PARP8: variants seen among roughly 807,000 people sequenced by gnomAD.
PARP8 encodes protein mono-ADP-ribosyltransferase PARP8.
In PARP8, 51 loss-of-function variants were observed where a neutral mutation model predicts 124.1. The ratio of observed to expected loss-of-function variants is 0.41; its 90% confidence interval spans 0.33 to 0.52. The LOEUF (loss-of-function observed/expected upper bound fraction) is 0.52, where lower values mean the gene tolerates loss of function less well. Ranked by LOEUF, PARP8 falls within the 20% of genes least tolerant of loss-of-function variation. PARP8 has a pLI of 0.21. For synonymous variants in PARP8, 391 were observed against 361.5 expected (o/e 1.08, Z -0.93); for missense variants, 860 against 1,018.9 (o/e 0.84, Z 2.12).
chr5:50,667,511 G>A (rs1366735778), intron 1 of PARP8: 6 of 700,064 alleles, frequency 8.6e-6, no homozygotes, highest in Non-Finnish European at 1.3e-5. Context: ...CGCTTCCTGG[G>A]TTCCAGCAGC....
intron 23 of PARP8, 132 bp downstream of exon 23, chr5:50,832,986 C>G: frequency 1.4e-6 from 1 of 731,138 alleles, no homozygotes; most frequent in South Asian, 1.8e-5. Flanking sequence ...AGGAATAAAA[C>G]TCACTCTGAA....
At chr5:50,723,076 C>T (rs535610641) in intron 2 of PARP8, among the ~76,000 whole-genome samples, 3 of 152,004 alleles carry the variant, frequency 2.0e-5, no homozygotes, top group African/African-American at 7.2e-5. Flanking sequence ...AATATATTCT[C>T]GCCTCTTACA....
chr5:50,825,049 A>C lies in PARP8; in HGVS notation c.1928+74A>C, dbSNP rs540088971. On this transcript the variant is annotated intron_variant, in intron 18 of 25. Transcript: ENST00000281631. ...TGCTTGATTTAAGGAAAAAAACCAA[A>C]CAAACAAAAGTAAACCTGTCTTACA... 70 of 1,282,718 alleles carry C rather than the reference A, an allele frequency of 5.5e-5. No individual in the cohort carries two copies. The South Asian group carries it at 8.0e-4, about 15-fold the overall frequency. 79.5% of individuals were successfully genotyped at this position (1,282,718 alleles called of 1,614,324 possible).
intron 2 of PARP8, among the ~76,000 whole-genome samples, chr5:50,706,069 T>G (rs1183427446): frequency 6.6e-6 from 1 of 152,162 alleles, no homozygotes; most frequent in Non-Finnish European, 1.5e-5. Context: ...CTTTCTAAAT[T>G]GGTTCTATCA....
At chr5:50,683,695 T>A (rs1432005878) in intron 2 of PARP8, among the ~76,000 whole-genome samples, 1 of 152,180 alleles carries the variant, frequency 6.6e-6, no homozygotes, top group Non-Finnish European at 1.5e-5. Context: ...TCAACACACT[T>A]TTGTTTTTTT....
chr5:50,789,407 C>A (rs1381461387), intron 10 of PARP8, among the ~76,000 whole-genome samples: 1 of 152,072 alleles, frequency 6.6e-6, no homozygotes, highest in African/African-American at 2.4e-5. Context: ...TGATCTAAGG[C>A]ACAGAACTTT....
At chr5:50,760,143 TCAA>T (rs763939914) in intron 4 of PARP8, 146 bp from the exon 5 acceptor site, 492 of 766,944 alleles carry the variant, frequency 6.4e-4, no homozygotes, top group Non-Finnish European at 8.9e-4. Flanking sequence ...GTGTAACTCC[TCAA>T]CATGACATGA....
intron 2 of PARP8, among the ~76,000 whole-genome samples, chr5:50,714,788 C>T (rs115336703): frequency 0.018 from 2,813 of 152,170 alleles, 33 homozygotes; most frequent in Middle Eastern, 0.031. Context: ...AGCCTCCCTC[C>T]TGCAGCTGAC....
chr5:50,824,980 A>G lies in PARP8; in HGVS notation c.1928+5A>G, dbSNP rs1263266846. 6.2e-7 allele frequency: 1 copy of G among 1,606,104 alleles called. No individual in the cohort carries two copies. Among genetic ancestry groups the G allele is most frequent in the East Asian group, 2.2e-5 (1 of 44,826 alleles). ...TGCTCATCCCTTACTGCAATGGTATAAAATTCTAGTTTTCCTCTTAATGAA... is the reference window on the plus strand; with the variant it reads ...TGCTCATCCCTTACTGCAATGGTATGAAATTCTAGTTTTCCTCTTAATGAA... On this transcript the variant is annotated splice_donor_5th_base_variant and intron_variant, in intron 18 of 25. Transcript: ENST00000281631.
At chr5:50,667,446 G>A (rs1285851503) in intron 1 of PARP8, 4 of 700,416 alleles carry the variant, frequency 5.7e-6, no homozygotes, top group Admixed American at 4.0e-5. Context: ...GGGTCTAGGC[G>A]AAGGGGCAGT....
chr5:50,757,683 G>C (rs1159024621), intron 3 of PARP8, among the ~76,000 whole-genome samples: 1 of 152,100 alleles, frequency 6.6e-6, no homozygotes, highest in South Asian at 2.1e-4. Flanking sequence ...ATATTCTCTT[G>C]AATCAAATCT....
intron 7 of PARP8, among the ~76,000 whole-genome samples, chr5:50,771,002 T>A (rs559040310): frequency 6.6e-6 from 1 of 152,098 alleles, no homozygotes; most frequent in South Asian, 2.1e-4. Context: ...TAAAAATTAA[T>A]TCCTATGTAA....
At chr5:50,694,848 G>T (rs999623902) in intron 2 of PARP8, among the ~76,000 whole-genome samples, 6 of 152,190 alleles carry the variant, frequency 3.9e-5, no homozygotes, top group Non-Finnish European at 8.8e-5. Flanking sequence ...GTGCCTGAAA[G>T]CCTGAGAGCC....
At chr5:50,773,628 G>C (rs1761853453) in intron 7 of PARP8, among the ~76,000 whole-genome samples, 1 of 152,126 alleles carries the variant, frequency 6.6e-6, no homozygotes, top group African/African-American at 2.4e-5. Flanking sequence ...CAGTGCCTTG[G>C]CTATTTGGGG....
At chr5:50,679,463 T>C (rs1751031522) in intron 2 of PARP8, among the ~76,000 whole-genome samples, 2 of 152,232 alleles carry the variant, frequency 1.3e-5, no homozygotes, top group African/African-American at 2.4e-5. Context: ...AATTGTGTTA[T>C]TGAAAATTAA....
rs1377182563 is a variant in PARP8 at position 50,709,969 on chromosome 5, TAC to T, written c.147-40170_147-40169del. 4.5e-3 allele frequency among the ~76,000 whole-genome samples: 612 copies of T among 136,190 alleles called. 2 individuals carry two copies. Among genetic ancestry groups the T allele is most frequent in the African/African-American group, 6.2e-3 (216 of 35,084 alleles). 89.3% of individuals were successfully genotyped at this position (136,190 alleles called of 152,430 possible). A position where few individuals can be genotyped will look rare whatever the true frequency, so the allele number is the denominator to read the frequency against. On this transcript the variant is annotated intron_variant, in intron 2 of 25. Coordinates refer to ENST00000281631, the MANE Select transcript of PARP8 (RefSeq NM_024615.4). ...ATATATATATATACACATACATATA[TAC>T]ACACACACACATATATATACATATA...
At chr5:50,831,759 C>G (rs1747011452) in intron 22 of PARP8, among the ~76,000 whole-genome samples, 1 of 152,160 alleles carries the variant, frequency 6.6e-6, no homozygotes, top group Non-Finnish European at 1.5e-5. Context: ...GAAGGGTTTA[C>G]AAACCATGTG....
intron 9 of PARP8, among the ~76,000 whole-genome samples, chr5:50,779,814 A>G (rs149372965): frequency 1.3e-5 from 2 of 152,336 alleles, no homozygotes; most frequent in Non-Finnish European, 2.9e-5. Flanking sequence ...CATAGGAAAC[A>G]TACTTGTTCT....
At chr5:50,808,943 A>G (rs570241594) in intron 14 of PARP8, among the ~76,000 whole-genome samples, 20 of 152,148 alleles carry the variant, frequency 1.3e-4, no homozygotes, top group African/African-American at 4.8e-4. Flanking sequence ...AACCTTCAAC[A>G]TGGAAGTTCA....
Sources: gnomAD v4.1 joint callset for allele counts (sites outside exome capture counted in the v4.1 genomes callset) on GRCh38, gnomAD v4.1.1 for gene constraint, MANE v1.5 for transcripts, NCBI Gene and HGNC (gene_info 2026-07-23, HGNC 2026-07-21) for gene names.